GRIK1: variants seen among roughly 807,000 people sequenced by gnomAD.
The protein encoded by GRIK1 is glutamate ionotropic receptor kainate type subunit 1.
Under a neutral mutation model 105.7 loss-of-function variants are expected in GRIK1, and 69 were observed. The observed-to-expected ratio is 0.65, with a 90% CI of 0.54 to 0.80. The LOEUF (loss-of-function observed/expected upper bound fraction) is 0.80. Among genes scored for constraint, GRIK1 ranks in the 30% least tolerant of loss-of-function variants. The pLI, the probability that GRIK1 is intolerant of heterozygous loss-of-function variation, is 0.00. For missense variants in GRIK1, 1,109 were observed against 1,167.3 expected (o/e 0.95, Z 0.73); for synonymous variants, 438 against 431.3 (o/e 1.02, Z -0.19).
chr21:29,861,727 T>G (rs1304260706), intron 1 of GRIK1: 2 of 424,064 alleles, frequency 4.7e-6, no homozygotes, highest in Non-Finnish European at 4.7e-6. Flanking sequence ...ATTATATGCA[T>G]TTTTCTTGTT....
At position 29,939,347 on chromosome 21, in the gene GRIK1, C is replaced by T. The variant is rs1194732378; in HGVS notation, c.118+36G>A. Reference sequence around the variant, plus strand: ...CACCCGCGTTGGTGCGGCGACCGACCACGTCTCCCGAGCAGGCAGCCTGGG... The same window carrying T: ...CACCCGCGTTGGTGCGGCGACCGACTACGTCTCCCGAGCAGGCAGCCTGGG... On this transcript the variant is annotated intron_variant, in intron 1 of 17. Transcript: ENST00000327783. The T allele has an allele frequency of 3.2e-6, 4 of 1,248,576 alleles. No individual in the cohort carries two copies. The South Asian group carries it at 5.1e-5, about 16-fold the overall frequency. The allele number at this position is 1,248,576 out of a possible 1,614,324, so 77.3% of individuals were successfully genotyped here. A position where few individuals can be genotyped will look rare whatever the true frequency, so the allele number is the denominator to read the frequency against.
intron 1 of GRIK1, among the ~76,000 whole-genome samples, chr21:29,747,802 C>G (rs763856983): frequency 2.1e-4 from 32 of 152,110 alleles, no homozygotes; most frequent in Admixed American, 9.2e-4. Context: ...GCACTTCAGC[C>G]TGGCGACAGA....
At chr21:29,869,460 A>G (rs1315711210) in intron 1 of GRIK1, among the ~76,000 whole-genome samples, 1 of 152,258 alleles carries the variant, frequency 6.6e-6, no homozygotes, top group Non-Finnish European at 1.5e-5. Flanking sequence ...TGGAATAATG[A>G]AATAGGAAAG....
intron 1 of GRIK1, chr21:29,763,498 G>T: frequency 6.6e-6 from 1 of 152,532 alleles, no homozygotes; most frequent in Non-Finnish European, 1.5e-5. Context: ...TTTGAGGAGT[G>T]GGTGGGCTGG....
At chr21:29,869,688 A>T (rs1284683450) in intron 1 of GRIK1, among the ~76,000 whole-genome samples, 1 of 152,226 alleles carries the variant, frequency 6.6e-6, no homozygotes, top group Non-Finnish European at 1.5e-5. Context: ...CCATGTTAAA[A>T]GCAGAATAGA....
Position 29,537,264 on chromosome 21 carries a change from T to C in GRIK1, c.2816A>G (p.Gln939Arg), listed in dbSNP as rs773018763. Residue 939 changes from glutamine to arginine, a missense_variant, in exon 18 of 18, where the codon CAG (glutamine) becomes CGG (arginine). Gln to Arg is a conservative substitution (Grantham distance 43). Transcript: ENST00000327783. ...AGTCTCTTTTCTCTGAGTTCGTCTC[T>C]GATGACAAGTAAGGATACTTGTGAA... ...SSFTSILTCHQRRTQRKETVA is the reference protein window; with the variant it reads ...SSFTSILTCHRRRTQRKETVA The C allele has an allele frequency of 1.2e-6, 2 of 1,610,770 alleles. No homozygotes were observed. The highest frequency in any genetic ancestry group is 1.7e-5 in the Admixed American group (1 of 59,554).
intron 15 of GRIK1, among the ~76,000 whole-genome samples, chr21:29,556,276 G>C (rs1825162225): frequency 6.6e-6 from 1 of 152,130 alleles, no homozygotes; most frequent in Non-Finnish European, 1.5e-5. Flanking sequence ...TAATATGTAT[G>C]TTTAGCCAAC....
intron 1 of GRIK1, among the ~76,000 whole-genome samples, chr21:29,752,375 A>C (rs1466001941): frequency 2.0e-5 from 3 of 152,212 alleles, no homozygotes; most frequent in Non-Finnish European, 4.4e-5. Flanking sequence ...GTCTTACAAA[A>C]AATTGTATTC....
At chr21:29,782,568 T>C (rs1427258577) in intron 1 of GRIK1, among the ~76,000 whole-genome samples, 2 of 152,144 alleles carry the variant, frequency 1.3e-5, no homozygotes, top group East Asian at 3.9e-4. Context: ...CTTACTCTGA[T>C]TGATTCTGTG....
At chr21:29,580,063 ATG>A (rs1688569188) in intron 13 of GRIK1, among the ~76,000 whole-genome samples, 2 of 143,934 alleles carry the variant, frequency 1.4e-5, no homozygotes, top group South Asian at 2.1e-4. Context: ...GTATATATAT[ATG>A]TGTATATATA....
chr21:29,717,823 TG>T (rs983881883), intron 1 of GRIK1, among the ~76,000 whole-genome samples: 3 of 152,182 alleles, frequency 2.0e-5, no homozygotes, highest in African/African-American at 7.2e-5. Context: ...ACATGAGATT[TG>T]GGAGGGGCAA....
intron 6 of GRIK1, among the ~76,000 whole-genome samples, chr21:29,650,538 T>C (rs2062710206): frequency 6.6e-6 from 1 of 152,236 alleles, no homozygotes; most frequent in South Asian, 2.1e-4. Flanking sequence ...GTTCGCAATG[T>C]ATCTGTTCAG....
intron 1 of GRIK1, among the ~76,000 whole-genome samples, chr21:29,751,809 A>G (rs1419362896): frequency 1.3e-5 from 2 of 152,280 alleles, no homozygotes; most frequent in African/African-American, 4.8e-5. Context: ...TGACCTTCTA[A>G]TGTACATTTG....
At chr21:29,681,313 A>C (rs755774437) in intron 3 of GRIK1, among the ~76,000 whole-genome samples, 1 of 152,076 alleles carries the variant, frequency 6.6e-6, no homozygotes, top group African/African-American at 2.4e-5. Flanking sequence ...TTCCCATTCC[A>C]GGCAGAGCAC....
intron 12 of GRIK1, among the ~76,000 whole-genome samples, chr21:29,587,015 T>C (rs2091143782): frequency 6.6e-6 from 1 of 152,212 alleles, no homozygotes. Context: ...AGGGGTCAAA[T>C]ATCTTGAGAC....
rs117393632 is a variant in GRIK1 at position 29,895,077 on chromosome 21, T to A, written c.118+44306A>T. ...TCTAATAGTGGTGGTGGCAGGGGGC[T>A]CAGAAAAGGGATGGGTTCAACAGAT... On this transcript the variant is annotated intron_variant, in intron 1 of 17. Transcript: ENST00000327783. Among the ~76,000 whole-genome samples, 495 of 152,234 alleles carry A rather than the reference T, an allele frequency of 3.3e-3. 6 individuals are homozygous for A. In the East Asian group the frequency reaches 0.04, roughly 12 times the overall value.
rs1185246918 is a variant in GRIK1, at chr21:29,718,944, T to C, written c.119-24881A>G. Among the ~76,000 whole-genome samples the C allele has an allele frequency of 3.4e-5, 5 of 146,682 alleles. No individual in the cohort carries two copies. The South Asian group carries it at 7.0e-4, about 20-fold the overall frequency. ...AAGTTACAATGTGCAAAAATCATAG[T>C]GACATTTCTATTGCATTTGCACTTT... is the stretch of plus-strand genomic sequence containing the variant. On this transcript the variant is annotated intron_variant, in intron 1 of 17. Coordinates refer to ENST00000327783, the MANE Select transcript of GRIK1 (RefSeq NM_001330994.2).
chr21:29,710,557 A>T (rs1288284996), intron 1 of GRIK1, among the ~76,000 whole-genome samples: 3 of 152,066 alleles, frequency 2.0e-5, no homozygotes, highest in Non-Finnish European at 4.4e-5. Flanking sequence ...AGATGTCAAG[A>T]ATTTGTTTTA....
chr21:29,662,952 G>A (rs1238302813), intron 4 of GRIK1, among the ~76,000 whole-genome samples: 1 of 152,114 alleles, frequency 6.6e-6, no homozygotes, highest in Non-Finnish European at 1.5e-5. Context: ...CCAGTGCTGA[G>A]AACCACTGAT....
Sources: gnomAD v4.1 joint callset for allele counts (sites outside exome capture counted in the v4.1 genomes callset) on GRCh38, gnomAD v4.1.1 for gene constraint, MANE v1.5 for transcripts, NCBI Gene and HGNC (gene_info 2026-07-23, HGNC 2026-07-21) for gene names.